ADAMTS19: variants seen among roughly 807,000 people sequenced by gnomAD.
The protein encoded by ADAMTS19 is ADAM metallopeptidase with thrombospondin type 1 motif 19.
A neutral mutation model predicts 153.3 loss-of-function variants in ADAMTS19; 93 were observed. That is an observed-to-expected ratio of 0.61 (90% CI 0.51 to 0.72). The LOEUF is 0.72. ADAMTS19 is among the 30% of genes least tolerant of loss of function. The probability of loss-of-function intolerance (pLI) is 0.00; values close to 1 mark genes in which losing one functional copy is unlikely to be tolerated. For synonymous variants in ADAMTS19, 600 were observed against 556.6 expected, an observed-to-expected ratio of 1.08 and a Z score of -1.10; for missense variants, 1,482 against 1,552.1, an observed-to-expected ratio of 0.95 and a Z score of 0.76.
intron 8 of ADAMTS19, among the ~76,000 whole-genome samples, chr5:129,616,960 A>C (rs1018186327): frequency 1.5e-4 from 23 of 152,190 alleles, no homozygotes; most frequent in Middle Eastern, 6.8e-3. Flanking sequence ...GTGAGCATCA[A>C]ACTGCCCGGA....
intron 14 of ADAMTS19, among the ~76,000 whole-genome samples, chr5:129,658,325 GA>G (rs759801411): frequency 1.9e-5 from 2 of 107,302 alleles, no homozygotes; most frequent in African/African-American, 7.3e-5. Context: ...AAGAAAGAAA[GA>G]AAGAAAGAAA....
At chr5:129,628,790 C>A (rs188572925) in intron 10 of ADAMTS19, among the ~76,000 whole-genome samples, 104 of 152,098 alleles carry the variant, frequency 6.8e-4, no homozygotes, top group Non-Finnish European at 1.5e-3. Context: ...TTTACAGTTG[C>A]CTACAATATA....
At chr5:129,640,242 T>G (rs1002923813) in intron 10 of ADAMTS19, among the ~76,000 whole-genome samples, 1 of 152,166 alleles carries the variant, frequency 6.6e-6, no homozygotes, top group Non-Finnish European at 1.5e-5. Context: ...CATTTCAATT[T>G]CACTGTTAGA....
intron 7 of ADAMTS19, among the ~76,000 whole-genome samples, chr5:129,582,186 C>T (rs1185035139): frequency 6.8e-6 from 1 of 146,674 alleles, no homozygotes; most frequent in Admixed American, 6.9e-5. Context: ...TCTAGTATTG[C>T]CAGTGGGATG....
chr5:129,588,386 C>T (rs890470778), intron 7 of ADAMTS19, among the ~76,000 whole-genome samples: 77 of 151,856 alleles, frequency 5.1e-4, no homozygotes, highest in African/African-American at 1.7e-3. Flanking sequence ...AGAAAAAGTT[C>T]GATACATGTT....
At chr5:129,523,095 C>G (rs79927567) in intron 3 of ADAMTS19, among the ~76,000 whole-genome samples, 1 of 149,960 alleles carries the variant, frequency 6.7e-6, no homozygotes, top group African/African-American at 2.4e-5. Flanking sequence ...TAAATTAATT[C>G]TGTAAAAATG....
chr5:129,519,482 G>A (rs941938066), intron 3 of ADAMTS19, among the ~76,000 whole-genome samples: 6 of 151,998 alleles, frequency 3.9e-5, no homozygotes, highest in Non-Finnish European at 8.8e-5. Context: ...ATCCTAGCTG[G>A]TGTCTCAGTA....
At chr5:129,572,805 T>C (rs1753960560) in intron 7 of ADAMTS19, among the ~76,000 whole-genome samples, 1 of 151,780 alleles carries the variant, frequency 6.6e-6, no homozygotes, top group African/African-American at 2.4e-5. Flanking sequence ...AGTTTTGGGG[T>C]GTGATGGAAA....
intron 8 of ADAMTS19, among the ~76,000 whole-genome samples, chr5:129,620,310 T>C (rs1350820522): frequency 6.6e-6 from 1 of 152,086 alleles, no homozygotes; most frequent in African/African-American, 2.4e-5. Context: ...CTGAGTTTCA[T>C]ACATACTATT....
At position 129,596,662 on chromosome 5, in the gene ADAMTS19, C is replaced by T; in HGVS notation, c.1476C>T (p.His492=). 1 of 1,594,532 alleles carries T rather than the reference C, an allele frequency of 6.3e-7. No homozygotes were observed. The highest frequency in any genetic ancestry group is 1.7e-4 in the Middle Eastern group (1 of 5,992). ...TTACAATTGCTCATGAAATGGGTCA[C>T]AAGTAAGTAAAAATCATGGCTATGT... ...LAFTIAHEMG[H]NMGINHDNDH... is the part of the protein sequence containing the mutation. The change falls in exon 8 of 23, where the codon CAC becomes CAT. Residue 492 remains histidine, a splice_region_variant and synonymous_variant. Transcript: ENST00000274487.
intron 2 of ADAMTS19, among the ~76,000 whole-genome samples, chr5:129,496,745 G>C (rs1012388012): frequency 1.3e-5 from 2 of 151,990 alleles, no homozygotes; most frequent in Non-Finnish European, 2.9e-5. Context: ...ATGGTGAATG[G>C]CTCCAAAAAA....
chr5:129,648,843 C>T lies in ADAMTS19; in HGVS notation c.2049C>T (p.Tyr683=), dbSNP rs754159151. 6 of 1,613,702 alleles carry T rather than the reference C, an allele frequency of 3.7e-6. No homozygotes were observed. The highest frequency in any genetic ancestry group is 1.1e-5 in the South Asian group (1 of 91,034). Residue 683 remains tyrosine (Y), a synonymous_variant, in exon 13 of 23, where the codon TAC becomes TAT. Transcript: ENST00000274487. ...ATTGTAATGGTCCCAGAAAACAATA[C>T]AGAATATGTGAGAATCCACCTTGTC... The part of the protein sequence containing the change: ...ARDCNGPRKQ[Y]RICENPPCPA...
intron 7 of ADAMTS19, among the ~76,000 whole-genome samples, chr5:129,556,316 G>T (rs1159732506): frequency 6.6e-6 from 1 of 152,176 alleles, no homozygotes; most frequent in Non-Finnish European, 1.5e-5. Context: ...TACCAGGGTT[G>T]TCAGAATTTA....
At chr5:129,663,370 A>G (rs1037517469) in intron 15 of ADAMTS19, among the ~76,000 whole-genome samples, 15 of 152,288 alleles carry the variant, frequency 9.8e-5, no homozygotes, top group Non-Finnish European at 1.6e-4. Context: ...ACTTTTCTCT[A>G]GATTCCAGAT....
At chr5:129,550,798 A>C (rs1005943271) in intron 6 of ADAMTS19, among the ~76,000 whole-genome samples, 1 of 151,590 alleles carries the variant, frequency 6.6e-6, no homozygotes, top group Non-Finnish European at 1.5e-5. Context: ...TTTCTCATTT[A>C]TGTACACACA....
intron 18 of ADAMTS19, among the ~76,000 whole-genome samples, chr5:129,689,851 T>C (rs1283363467): frequency 6.6e-6 from 1 of 152,236 alleles, no homozygotes; most frequent in East Asian, 1.9e-4. Context: ...TAAAATTTGA[T>C]ATTATTTCAT....
chr5:129,723,644 G>A (rs1489405432), intron 21 of ADAMTS19, among the ~76,000 whole-genome samples: 2 of 152,074 alleles, frequency 1.3e-5, no homozygotes, highest in East Asian at 3.9e-4. Flanking sequence ...TAATGTCCAG[G>A]GCAATAAAAG....
At chr5:129,557,174 T>TAA (rs1163098981) in intron 7 of ADAMTS19, among the ~76,000 whole-genome samples, 14 of 152,254 alleles carry the variant, frequency 9.2e-5, no homozygotes, top group African/African-American at 2.9e-4. Context: ...AATATATATA[T>TAA]AAGGAGTAAC....
chr5:129,517,375 T>A (rs527615377), intron 3 of ADAMTS19, among the ~76,000 whole-genome samples: 1 of 152,092 alleles, frequency 6.6e-6, no homozygotes, highest in South Asian at 2.1e-4. Flanking sequence ...GTGCTTAAAG[T>A]GGGGTGTTGA....
Sources: allele counts gnomAD v4.1 joint callset (sites outside exome capture counted in the v4.1 genomes callset), GRCh38; gene constraint gnomAD v4.1.1; transcripts MANE v1.5; gene names NCBI Gene and HGNC (gene_info 2026-07-23, HGNC 2026-07-21).